Variants in DDAH1 observed in about 807,000 individuals in gnomAD.
DDAH1 encodes dimethylarginine dimethylaminohydrolase 1.
DDAH1 carries 19 observed loss-of-function variants against 28.8 expected under a neutral mutation model. That is an observed-to-expected ratio of 0.66 (90% CI 0.46 to 0.97). The LOEUF (loss-of-function observed/expected upper bound fraction) is 0.97. DDAH1 is among the 50% of genes least tolerant of loss of function. DDAH1 has a pLI of 0.00. For synonymous variants in DDAH1, 153 were observed against 154.4 expected (o/e 0.99, Z 0.07); for missense variants, 326 against 375.9 (o/e 0.87, Z 1.10).
chr1:85,341,108 T>C (rs935867147), intron 4 of DDAH1, among the ~76,000 whole-genome samples: 3 of 152,234 alleles, frequency 2.0e-5, no homozygotes, highest in Admixed American at 6.5e-5. Flanking sequence ...TGTTGCACGG[T>C]GACAGTTTTT....
chr1:85,440,367 T>C (rs557522423), intron 1 of DDAH1, among the ~76,000 whole-genome samples: 4 of 152,352 alleles, frequency 2.6e-5, no homozygotes, highest in African/African-American at 9.6e-5. Flanking sequence ...TCTTTTGCTA[T>C]TAGCCTCTCT....
chr1:85,568,537 C>T (rs1369127573), intron 1 of DDAH1, among the ~76,000 whole-genome samples: 1 of 152,120 alleles, frequency 6.6e-6, no homozygotes, highest in Non-Finnish European at 1.5e-5. Context: ...ATAATTCACA[C>T]ATTCACTAGC....
At chr1:85,528,864 C>T (rs1657981917) in intron 1 of DDAH1, among the ~76,000 whole-genome samples, 1 of 151,554 alleles carries the variant, frequency 6.6e-6, no homozygotes, top group Non-Finnish European at 1.5e-5. Flanking sequence ...ATTCCAGCTA[C>T]TCAAGAGGCC....
intron 4 of DDAH1, among the ~76,000 whole-genome samples, chr1:85,341,949 T>C (rs952171685): frequency 1.3e-5 from 2 of 152,244 alleles, no homozygotes; most frequent in Non-Finnish European, 2.9e-5. Flanking sequence ...ACTAGTGCTT[T>C]ATAATTATAT....
At chr1:85,389,408 T>A (rs1291823442) in intron 1 of DDAH1, among the ~76,000 whole-genome samples, 2 of 152,082 alleles carry the variant, frequency 1.3e-5, no homozygotes, top group Non-Finnish European at 2.9e-5. Flanking sequence ...AGTCTGGGAG[T>A]CTAGACTATC....
intron 1 of DDAH1, among the ~76,000 whole-genome samples, chr1:85,440,500 T>C (rs530465175): frequency 7.2e-5 from 11 of 152,300 alleles, no homozygotes; most frequent in African/African-American, 2.6e-4. Flanking sequence ...CTATGAATTA[T>C]CTTCTGAGAC....
chr1:85,546,131 C>CAAA (rs111839145), intron 1 of DDAH1, among the ~76,000 whole-genome samples: 56 of 136,230 alleles, frequency 4.1e-4, no homozygotes, highest in African/African-American at 8.6e-4. Context: ...AATGTGTCTC[C>CAAA]AAAAAAAAAA....
chr1:85,401,566 C>G (rs1299016659), intron 1 of DDAH1, among the ~76,000 whole-genome samples: 1 of 146,826 alleles, frequency 6.8e-6, no homozygotes, highest in Admixed American at 7.0e-5. Context: ...GTCGCATGAC[C>G]AAGGTTCACT....
intron 2 of DDAH1, among the ~76,000 whole-genome samples, chr1:85,492,543 C>T (rs1376606229): frequency 2.0e-5 from 3 of 152,178 alleles, no homozygotes; most frequent in African/African-American, 7.2e-5. Flanking sequence ...TCTCACTTCT[C>T]ATTTTCCTCA....
intron 5 of DDAH1, among the ~76,000 whole-genome samples, chr1:85,323,102 T>A (rs1661420090): frequency 6.6e-6 from 1 of 152,198 alleles, no homozygotes; most frequent in South Asian, 2.1e-4. Flanking sequence ...TAGAAAAAAT[T>A]ATCTATGTAT....
At chr1:85,538,157 A>T (rs528796429) in intron 1 of DDAH1, among the ~76,000 whole-genome samples, 58 of 152,358 alleles carry the variant, frequency 3.8e-4, no homozygotes, top group African/African-American at 1.0e-3. Context: ...CAAATACAAG[A>T]CTGCCACTGT....
In DDAH1 at chr1:85,464,997, C is replaced by T. The variant is rs908896949; in HGVS notation, c.49G>A (p.Val17Met). 2 of 1,382,678 alleles carry T rather than the reference C, an allele frequency of 1.4e-6. No individual in the cohort carries two copies. The highest frequency in any genetic ancestry group is 3.1e-5 in the East Asian group (1 of 32,632). The allele number at this position is 1,382,678 out of a possible 1,614,324, so 85.7% of individuals were successfully genotyped here. A position where few individuals can be genotyped will look rare whatever the true frequency, so the allele number is the denominator to read the frequency against. Residue 17 changes from valine (V) to methionine (M), a missense_variant, in exon 1 of 6, where the codon GTG becomes ATG. By Grantham distance (21) the Val-to-Met change is conservative (BLOSUM62 1). Transcript: ENST00000284031. The surrounding 1 kb of genome is among the most constrained non-coding windows in gnomAD (Gnocchi z 4.4). ...PAAFGRATHA[V>M]VRALPESLGQ... Reference sequence around the variant, plus strand: ...AGCGACTCGGGTAGCGCCCGCACCACGGCGTGGGTGGCCCGGCCGAAGGCG... The same window carrying T: ...AGCGACTCGGGTAGCGCCCGCACCATGGCGTGGGTGGCCCGGCCGAAGGCG...
At chr1:85,333,266 T>C (rs1647894091) in intron 4 of DDAH1, among the ~76,000 whole-genome samples, 2 of 152,190 alleles carry the variant, frequency 1.3e-5, no homozygotes, top group Non-Finnish European at 2.9e-5. Flanking sequence ...CCACCATATA[T>C]GCCCAGAATA....
chr1:85,354,409 T>C (rs866038240), intron 2 of DDAH1, among the ~76,000 whole-genome samples: 1 of 152,144 alleles, frequency 6.6e-6, no homozygotes, highest in South Asian at 2.1e-4. Context: ...CATTATAAAG[T>C]TTCCTGTCAA....
At chr1:85,455,063 A>G (rs955902934) in intron 1 of DDAH1, among the ~76,000 whole-genome samples, 2 of 152,208 alleles carry the variant, frequency 1.3e-5, no homozygotes, top group Non-Finnish European at 2.9e-5. Flanking sequence ...AAGTTAGAAA[A>G]TTCCAAAAAC....
At chr1:85,321,963 G>C (rs534898755) in intron 5 of DDAH1, among the ~76,000 whole-genome samples, 143 of 152,114 alleles carry the variant, frequency 9.4e-4, no homozygotes, top group Non-Finnish European at 1.9e-3. Context: ...GTCCAGGTTG[G>C]TGTACAGTGG....
chr1:85,556,138 T>C (rs1658961914), intron 1 of DDAH1, among the ~76,000 whole-genome samples: 1 of 141,850 alleles, frequency 7.0e-6, no homozygotes, highest in African/African-American at 2.6e-5. Context: ...CCTTCTCCTT[T>C]CCCCTTCCTC....
chr1:85,367,599 T>C (rs1290706005), intron 1 of DDAH1, among the ~76,000 whole-genome samples: 1 of 152,212 alleles, frequency 6.6e-6, no homozygotes, highest in Non-Finnish European at 1.5e-5. Context: ...CCATATTCCT[T>C]AAGGTACCTC....
chr1:85,369,884 A>G (rs140859578), intron 1 of DDAH1, among the ~76,000 whole-genome samples: 1 of 152,278 alleles, frequency 6.6e-6, no homozygotes, highest in East Asian at 1.9e-4. Flanking sequence ...TATCTGAGTG[A>G]CCAAAAGGAC....
Sources: gnomAD v4.1 joint callset for allele counts (sites outside exome capture counted in the v4.1 genomes callset) on GRCh38, gnomAD v4.1.1 for gene constraint, Gnocchi (gnomAD v3.1) non-coding constraint, MANE v1.5 for transcripts, NCBI Gene and HGNC (gene_info 2026-07-23, HGNC 2026-07-21) for gene names.